PCDHGB4: variants seen among roughly 807,000 people sequenced by gnomAD.
The protein encoded by PCDHGB4 is protocadherin gamma subfamily B, 4.
In PCDHGB4, 38 loss-of-function variants were observed where a neutral mutation model predicts 60.5. The observed-to-expected ratio is 0.63, with a 90% CI of 0.48 to 0.82. The LOEUF is 0.82. Ranked by LOEUF, PCDHGB4 falls within the 40% of genes least tolerant of loss-of-function variation. PCDHGB4 has a pLI of 0.00. For synonymous variants in PCDHGB4, 456 were observed against 509.7 expected (o/e 0.89, Z 1.42); for missense variants, 1,109 against 1,209.6 (o/e 0.92, Z 1.23).
At chr5:141,479,685 G>A (rs749895405) in intron 1 of PCDHGB4, 3 of 152,248 alleles carry the variant, frequency 2.0e-5, no homozygotes, top group Non-Finnish European at 4.4e-5. Flanking sequence ...AGTCTTTTTG[G>A]TGCCTCCAGT....
intron 1 of PCDHGB4, chr5:141,427,833 G>T (rs1345567011): frequency 6.5e-7 from 1 of 1,540,964 alleles, no homozygotes; most frequent in Non-Finnish European, 8.9e-7. Flanking sequence ...CGCGCAGCGT[G>T]CCTTCGACCA....
chr5:141,413,391 C>T lies in PCDHGB4; in HGVS notation c.2397+23110C>T, dbSNP rs375582894. ...CGGAGCGCGGAGTCCGCATAGTCTC[C>T]AGAGGTAGGACGCAGCTTTTCTCTC... On this transcript the variant is annotated intron_variant, in intron 1 of 3. Transcript: ENST00000519479. The T allele has an allele frequency of 1.2e-5, 19 of 1,613,902 alleles. No homozygotes were observed. In the African/African-American group the frequency reaches 2.4e-4, roughly 20 times the overall value.
Position 141,485,465 on chromosome 5 carries a change from C to A in PCDHGB4, c.2398-9342C>A, listed in dbSNP as rs2099614061. 6.2e-7 allele frequency: 1 copy of A among 1,614,044 alleles called. No homozygotes were observed. Among genetic ancestry groups the A allele is most frequent in the African/African-American group, 1.3e-5 (1 of 74,918 alleles). ...AATCGACCGAGAGGCACTGTGTGGG[C>A]TCAGTGCCAGCTGCATCGTGCCCCT... On this transcript the variant is annotated intron_variant, in intron 1 of 3. Transcript: ENST00000519479. This position sits in a 1 kb window ranked among gnomAD's most constrained non-coding sequence, Gnocchi z 5.7.
chr5:141,427,046 C>A (rs916723344), intron 1 of PCDHGB4: 6 of 457,244 alleles, frequency 1.3e-5, no homozygotes, highest in African/African-American at 2.0e-5. Flanking sequence ...AGAATGTGCC[C>A]CCAGGCACCT....
chr5:141,429,751 A>AT (rs2097241304), intron 1 of PCDHGB4, among the ~76,000 whole-genome samples: 1 of 152,110 alleles, frequency 6.6e-6, no homozygotes, highest in African/African-American at 2.4e-5. Flanking sequence ...CTTAGGGAGA[A>AT]TTTTTTCCCT....
At chr5:141,408,850 C>T (rs2095179070) in intron 1 of PCDHGB4, 2 of 1,613,554 alleles carry the variant, frequency 1.2e-6, no homozygotes, top group South Asian at 1.1e-5. Context: ...CTGCCTTGGA[C>T]GGAGGGGACC....
At chr5:141,408,775 C>T (rs780901987) in intron 1 of PCDHGB4, 7 of 1,611,568 alleles carry the variant, frequency 4.3e-6, no homozygotes, top group Non-Finnish European at 5.9e-6. Context: ...GTGGCAAATA[C>T]CCAGAGTTAT....
Position 141,432,726 on chromosome 5 carries a change from C to T in PCDHGB4, c.2397+42445C>T, listed in dbSNP as rs777248611. The T allele has an allele frequency of 3.1e-6, 5 of 1,614,092 alleles. No homozygotes were observed. Among genetic ancestry groups the T allele is most frequent in the Non-Finnish European group, 3.4e-6 (4 of 1,179,998 alleles). On this transcript the variant is annotated intron_variant, in intron 1 of 3. Coordinates refer to ENST00000519479, the MANE Select transcript of PCDHGB4 (RefSeq NM_003736.4). This position sits in a 1 kb window ranked among gnomAD's most constrained non-coding sequence, Gnocchi z 6.0. ...GACCACGGCCAGCCCCCTCTCTCCG[C>T]CACTGTCACGCTCACCGTGGCCGTG...
At chr5:141,482,809 T>C (rs1295469639) in intron 1 of PCDHGB4, among the ~76,000 whole-genome samples, 1 of 152,170 alleles carries the variant, frequency 6.6e-6, no homozygotes, top group Non-Finnish European at 1.5e-5. Flanking sequence ...CGGTGGCTCA[T>C]GCCTGTAATC....
At chr5:141,392,930 G>A (rs568235859) in intron 1 of PCDHGB4, 2 of 1,613,790 alleles carry the variant, frequency 1.2e-6, no homozygotes, top group Non-Finnish European at 1.7e-6. Flanking sequence ...CAGAAGAGAC[G>A]GACAAAGGCT....
intron 1 of PCDHGB4, among the ~76,000 whole-genome samples, chr5:141,474,085 AAAAC>A (rs937548165): frequency 1.3e-5 from 2 of 152,188 alleles, no homozygotes; most frequent in African/African-American, 4.8e-5. Flanking sequence ...CAAAAACCAA[AAAAC>A]AAACAACAAC....
At chr5:141,399,627 C>G (rs751717107) in intron 1 of PCDHGB4, 12 of 1,613,906 alleles carry the variant, frequency 7.4e-6, no homozygotes, top group South Asian at 1.1e-5. Context: ...TGGCCTCTTA[C>G]GTGTCCATGA....
At chr5:141,391,561 G>A (rs2092390304) in intron 1 of PCDHGB4, 1 of 152,026 alleles carries the variant, frequency 6.6e-6, no homozygotes, top group Non-Finnish European at 1.5e-5. Context: ...TTTTCCATAT[G>A]CATAAGAAAA....
In PCDHGB4 at chr5:141,389,555, G is replaced by A. The variant is rs755878042; in HGVS notation, c.1671G>A (p.Ala557=). 20 of 1,613,076 alleles carry A rather than the reference G, an allele frequency of 1.2e-5. No individual in the cohort carries two copies. Among genetic ancestry groups the A allele is most frequent in the East Asian group, 6.7e-5 (3 of 44,890 alleles). The change falls in exon 1 of 4, where the codon GCG becomes GCA. Residue 557 remains alanine, a synonymous_variant. Coordinates refer to ENST00000519479, the MANE Select transcript of PCDHGB4 (RefSeq NM_003736.4). The part of the protein sequence containing the change: ...RVLVDDRNDN[A]PRVLYPALGP... ...TAGTGGACGACCGCAACGACAATGC[G>A]CCACGGGTGCTGTACCCCGCGCTGG... is the stretch of plus-strand genomic sequence containing the variant.
chr5:141,476,023 G>T lies in PCDHGB4; in HGVS notation c.2398-18784G>T. On this transcript the variant is annotated intron_variant, in intron 1 of 3. Coordinates refer to ENST00000519479, the MANE Select transcript of PCDHGB4 (RefSeq NM_003736.4). The surrounding 1 kb of genome is among the most constrained non-coding windows in gnomAD (Gnocchi z 7.6). Reference sequence around the variant, plus strand: ...CATCCAGAAAGCCATGTCGGACTCGGCGCCCAGCGCCCAAGCGCTAACCCG... The same window carrying T: ...CATCCAGAAAGCCATGTCGGACTCGTCGCCCAGCGCCCAAGCGCTAACCCG... The T allele has an allele frequency of 7.1e-7, 1 of 1,415,690 alleles. No individual in the cohort carries two copies. Among genetic ancestry groups the T allele is most frequent in the Non-Finnish European group, 9.5e-7 (1 of 1,057,324 alleles). 87.7% of individuals were successfully genotyped at this position (1,415,690 alleles called of 1,614,324 possible).
At chr5:141,447,650 T>TC (rs1036312126) in intron 1 of PCDHGB4, among the ~76,000 whole-genome samples, 5 of 151,988 alleles carry the variant, frequency 3.3e-5, no homozygotes, top group Non-Finnish European at 5.9e-5. Context: ...GGTAGAATTT[T>TC]CCCCCCCAGG....
intron 2 of PCDHGB4, among the ~76,000 whole-genome samples, chr5:141,495,607 A>G (rs1484333463): frequency 1.3e-5 from 2 of 151,832 alleles, no homozygotes; most frequent in Admixed American, 1.3e-4. Flanking sequence ...TTCCGTCTTG[A>G]TTGCTGCACC....
chr5:141,409,736 G>C (rs1053484390), intron 1 of PCDHGB4: 9 of 1,612,992 alleles, frequency 5.6e-6, no homozygotes, highest in South Asian at 2.2e-5. Context: ...CGCGCAGAGC[G>C]GGGTGGTGTT....
chr5:141,414,330 G>A (rs1472752550), intron 1 of PCDHGB4: 2 of 1,613,714 alleles, frequency 1.2e-6, no homozygotes, highest in Non-Finnish European at 1.7e-6. Flanking sequence ...AGAATGGACA[G>A]GTAACCTGTT....
Sources: gnomAD v4.1 joint callset for allele counts (sites outside exome capture counted in the v4.1 genomes callset) on GRCh38, gnomAD v4.1.1 for gene constraint, Gnocchi (gnomAD v3.1) non-coding constraint, MANE v1.5 for transcripts, NCBI Gene and HGNC (gene_info 2026-07-23, HGNC 2026-07-21) for gene names.